Variants in CD109 observed in about 807,000 individuals in gnomAD.
The protein encoded by CD109 is CD109 antigen.
CD109 carries 149 observed loss-of-function variants against 165.8 expected under a neutral mutation model. The ratio of observed to expected loss-of-function variants is 0.90; its 90% confidence interval spans 0.79 to 1.03. CD109 has a LOEUF of 1.03. Among genes scored for constraint, CD109 ranks in the 50% least tolerant of loss-of-function variants. The probability of loss-of-function intolerance (pLI) is 0.00; values close to 1 mark genes in which losing one functional copy is unlikely to be tolerated. For missense variants in CD109, 1,712 were observed against 1,677.8 expected, an observed-to-expected ratio of 1.02 and a Z score of -0.36; for synonymous variants, 585 against 592.1, an observed-to-expected ratio of 0.99 and a Z score of 0.18.
At chr6:73,784,757 A>G (rs1254329051) in intron 19 of CD109, among the ~76,000 whole-genome samples, 4 of 152,218 alleles carry the variant, frequency 2.6e-5, no homozygotes, top group African/African-American at 9.6e-5. Context: ...ATGTATTCAG[A>G]TGTCCCACAC....
chr6:73,707,978 A>T (rs1185565051), intron 2 of CD109, among the ~76,000 whole-genome samples: 1 of 8,828 alleles, frequency 1.1e-4, no homozygotes, highest in Non-Finnish European at 5.2e-4. Context: ...ATATATATAT[A>T]TATATATATA....
intron 3 of CD109, among the ~76,000 whole-genome samples, chr6:73,728,599 G>A (rs1039177009): frequency 1.3e-5 from 2 of 152,000 alleles, no homozygotes; most frequent in Non-Finnish European, 2.9e-5. Context: ...CAAGTAAATT[G>A]CAGACATCAA....
chr6:73,694,781 C>T (rs1227134239), upstream of CD109: 3 of 152,274 alleles, frequency 2.0e-5, no homozygotes, highest in Non-Finnish European at 2.9e-5. Context: ...CACCCTTGAC[C>T]ATGGTCCTCC....
At position 73,812,213 on chromosome 6, in the gene CD109, G is replaced by T. The variant is rs142493290; in HGVS notation, c.3711G>T (p.Val1237=). Residue 1237 remains valine (V), a synonymous_variant, in exon 29 of 33, where the codon GTG becomes GTT. Transcript: ENST00000287097. ...TTTTCACCTTGATTCAGCTTGCTGT[G>T]GTACAGCCAACGGCAGTTAATATTT... The part of the protein sequence containing the change: ...RLLLQTAELA[V]VQPTAVNISA... 1.1e-5 allele frequency: 17 copies of T among 1,608,686 alleles called. No individual in the cohort carries two copies. Among genetic ancestry groups the T allele is most frequent in the Non-Finnish European group, 1.4e-5 (17 of 1,176,452 alleles).
intron 32 of CD109, among the ~76,000 whole-genome samples, chr6:73,821,319 G>T (rs1246743035): frequency 2.0e-5 from 3 of 152,032 alleles, no homozygotes; most frequent in African/African-American, 7.2e-5. Flanking sequence ...AAAAAAATGG[G>T]AGTTCTTCTA....
chr6:73,818,342 G>A (rs368491113), intron 30 of CD109, 46 bp from the exon 31 acceptor site: 419 of 1,604,020 alleles, frequency 2.6e-4, no homozygotes, highest in Non-Finnish European at 2.9e-4. Flanking sequence ...TAACAGCTAT[G>A]GGTTTTTCCT....
At chr6:73,726,146 A>T (rs1278135787) in intron 3 of CD109, among the ~76,000 whole-genome samples, 1 of 152,226 alleles carries the variant, frequency 6.6e-6, no homozygotes, top group African/African-American at 2.4e-5. Flanking sequence ...TTGCATTCTG[A>T]CACTTGTAAG....
chr6:73,796,107 T>G (rs1401529260), intron 23 of CD109, among the ~76,000 whole-genome samples: 1 of 152,230 alleles, frequency 6.6e-6, no homozygotes. Flanking sequence ...CATTCAAGCA[T>G]GATTGCTCAC....
chr6:73,685,780 T>C, the CD109 span, among the ~76,000 whole-genome samples: 6 of 152,222 alleles, frequency 3.9e-5, no homozygotes, highest in Non-Finnish European at 8.8e-5. Context: ...CTTTCACTTA[T>C]AGGTGAAAAC....
chr6:73,807,766 T>A (rs1388109216), intron 25 of CD109, among the ~76,000 whole-genome samples: 2 of 152,234 alleles, frequency 1.3e-5, no homozygotes, highest in African/African-American at 4.8e-5. Flanking sequence ...ATAAGAAATA[T>A]ATTTCTCAAG....
intron 22 of CD109, among the ~76,000 whole-genome samples, chr6:73,791,670 G>A (rs1254074367): frequency 6.6e-6 from 1 of 152,070 alleles, no homozygotes; most frequent in Non-Finnish European, 1.5e-5. Context: ...CAGAATGTAC[G>A]AATTTTAGCT....
At chr6:73,724,704 C>T (rs541252635) in intron 3 of CD109, among the ~76,000 whole-genome samples, 10 of 151,170 alleles carry the variant, frequency 6.6e-5, no homozygotes, top group Non-Finnish European at 1.5e-4. Context: ...GCCTCAATCT[C>T]CCAGGTTCAA....
intron 2 of CD109, among the ~76,000 whole-genome samples, chr6:73,709,182 G>A (rs943051808): frequency 6.6e-6 from 1 of 152,094 alleles, no homozygotes. Flanking sequence ...TTTGTATAAG[G>A]TGTAAGGAAG....
At chr6:73,684,150 C>T in the CD109 span, among the ~76,000 whole-genome samples, 1 of 151,698 alleles carries the variant, frequency 6.6e-6, no homozygotes, top group Non-Finnish European at 1.5e-5. Context: ...ATTGCTGGAT[C>T]ATACAGTAGT....
At chr6:73,801,413 A>G (rs1361163508) in intron 23 of CD109, among the ~76,000 whole-genome samples, 2 of 152,256 alleles carry the variant, frequency 1.3e-5, no homozygotes, top group South Asian at 2.1e-4. Flanking sequence ...TAATAATTCA[A>G]TTAGAAACAT....
At chr6:73,727,578 T>C (rs1772189234) in intron 3 of CD109, among the ~76,000 whole-genome samples, 1 of 152,142 alleles carries the variant, frequency 6.6e-6, no homozygotes, top group Non-Finnish European at 1.5e-5. Flanking sequence ...TAGAATAAAA[T>C]GTTTTCGGGC....
chr6:73,802,313 T>A (rs1358700744), intron 23 of CD109, among the ~76,000 whole-genome samples: 36 of 131,842 alleles, frequency 2.7e-4, no homozygotes, highest in Middle Eastern at 3.9e-3. Flanking sequence ...ATATTTTTTT[T>A]TTTTTTTTTT....
At chr6:73,795,698 G>A (rs1275791597) in intron 23 of CD109, among the ~76,000 whole-genome samples, 2 of 152,278 alleles carry the variant, frequency 1.3e-5, no homozygotes, top group East Asian at 3.9e-4. Flanking sequence ...GTTTCCCCTT[G>A]GGAGGAAGTA....
chr6:73,724,602 C>G (rs1448476340), intron 3 of CD109, among the ~76,000 whole-genome samples: 1 of 149,624 alleles, frequency 6.7e-6, no homozygotes, highest in East Asian at 2.0e-4. Context: ...CAGGTTCGCT[C>G]ATTACCTTAA....
Sources: allele counts gnomAD v4.1 joint callset (sites outside exome capture counted in the v4.1 genomes callset), GRCh38; gene constraint gnomAD v4.1.1; transcripts MANE v1.5; gene names NCBI Gene and HGNC (gene_info 2026-07-23, HGNC 2026-07-21).